GALNT18: variants seen among roughly 807,000 people sequenced by gnomAD.
The protein encoded by GALNT18 is GalNAc-transferase 18.
GALNT18 carries 44 observed loss-of-function variants against 69.5 expected under a neutral mutation model. That is an observed-to-expected ratio of 0.63 (90% confidence interval 0.50 to 0.81). The LOEUF (loss-of-function observed/expected upper bound fraction) is 0.81, where lower values mean the gene tolerates loss of function less well. Ranked by LOEUF, GALNT18 falls within the 40% of genes least tolerant of loss-of-function variation. The pLI, the probability that GALNT18 is intolerant of heterozygous loss-of-function variation, is 0.00. For missense variants in GALNT18, 715 were observed against 810.0 expected (o/e 0.88, Z 1.42); for synonymous variants, 364 against 318.2 (o/e 1.14, Z -1.53).
At chr11:11,440,620 ACCTGTCCTG>A in intron 2 of GALNT18, among the ~76,000 whole-genome samples, 1 of 152,284 alleles carries the variant, frequency 6.6e-6, no homozygotes, top group South Asian at 2.1e-4. Flanking sequence ...CTTCTGTGTA[ACCTGTCCTG>A]CAGTGCCTGT....
chr11:11,465,409 C>T lies in GALNT18; in HGVS notation c.236-16473G>A, dbSNP rs949462225. On this transcript the variant is annotated intron_variant, in intron 1 of 10. Coordinates refer to ENST00000227756, the MANE Select transcript of GALNT18 (RefSeq NM_198516.3). The surrounding 1 kb of genome is among the most constrained non-coding windows in gnomAD (Gnocchi z 5.7). Reference sequence around the variant, plus strand: ...CTGTGCAGGAAAACACCAAGGATTACTCAAAGCTTGAGTGCTGCTCCTCCA... The same window carrying T: ...CTGTGCAGGAAAACACCAAGGATTATTCAAAGCTTGAGTGCTGCTCCTCCA... 2.0e-5 allele frequency among the ~76,000 whole-genome samples: 3 copies of T among 152,172 alleles called. No homozygotes were observed. The highest frequency in any genetic ancestry group is 7.2e-5 in the African/African-American group (3 of 41,436).
intron 1 of GALNT18, among the ~76,000 whole-genome samples, chr11:11,488,061 CT>C (rs565018855): frequency 4.8e-4 from 73 of 152,190 alleles, no homozygotes; most frequent in Non-Finnish European, 7.5e-4. Flanking sequence ...GCTATTTATT[CT>C]CCCTAAACTT....
At chr11:11,414,388 C>T (rs907081999) in intron 3 of GALNT18, among the ~76,000 whole-genome samples, 9 of 152,206 alleles carry the variant, frequency 5.9e-5, no homozygotes, top group Admixed American at 1.3e-4. Context: ...AGCCATCCTC[C>T]CGCTTCCTTA....
chr11:11,530,581 A>G (rs1054100515), intron 1 of GALNT18, among the ~76,000 whole-genome samples: 1 of 152,164 alleles, frequency 6.6e-6, no homozygotes, highest in Non-Finnish European at 1.5e-5. Context: ...GAGGAAAAGG[A>G]AAGGCAGGCA....
intron 3 of GALNT18, among the ~76,000 whole-genome samples, chr11:11,393,762 C>T (rs1233322761): frequency 6.6e-6 from 1 of 152,248 alleles, no homozygotes; most frequent in Non-Finnish European, 1.5e-5. Flanking sequence ...CTCACTGCGC[C>T]TTTCAGCATT....
At chr11:11,527,510 A>G (rs28587649) in intron 1 of GALNT18, among the ~76,000 whole-genome samples, 5,708 of 152,282 alleles carry the variant, frequency 0.037, 358 homozygotes, top group African/African-American at 0.13. Context: ...ACAGAACTGT[A>G]AACAGATGCC....
At chr11:11,519,401 C>T (rs745711594) in intron 1 of GALNT18, among the ~76,000 whole-genome samples, 25 of 152,114 alleles carry the variant, frequency 1.6e-4, no homozygotes, top group Non-Finnish European at 3.2e-4. Context: ...GCATTGTTCA[C>T]GGAAGAGCAC....
chr11:11,367,662 G>A (rs1463720712), intron 6 of GALNT18, among the ~76,000 whole-genome samples: 1 of 152,150 alleles, frequency 6.6e-6, no homozygotes, highest in East Asian at 1.9e-4. Flanking sequence ...TTCCATTCCA[G>A]AAAGGTGAAG....
intron 1 of GALNT18, among the ~76,000 whole-genome samples, chr11:11,608,986 A>G (rs1859819775): frequency 6.6e-6 from 1 of 152,196 alleles, no homozygotes; most frequent in Non-Finnish European, 1.5e-5. Context: ...CCCTCATTAC[A>G]TGAGTTAGCT....
At position 11,382,224 on chromosome 11, in the gene GALNT18, GC is replaced by G. The variant is rs1181354192; in HGVS notation, c.596-2961del. Among the ~76,000 whole-genome samples, 2 of 152,212 alleles carry G rather than the reference GC, an allele frequency of 1.3e-5. No homozygotes were observed. Among genetic ancestry groups the G allele is most frequent in the East Asian group, 3.9e-4 (2 of 5,180 alleles). ...TTCTCTTAGCCCCAACCAAACAACT[GC>G]TATCCAAAAAAGAAAATAAAGAAGA... is the stretch of plus-strand genomic sequence containing the variant. On this transcript the variant is annotated intron_variant, in intron 3 of 10. Transcript: ENST00000227756. This position sits in a 1 kb window ranked among gnomAD's most constrained non-coding sequence, Gnocchi z 4.3.
intron 10 of GALNT18, among the ~76,000 whole-genome samples, chr11:11,287,436 C>T (rs1471599634): frequency 6.6e-6 from 1 of 152,126 alleles, no homozygotes; most frequent in African/African-American, 2.4e-5. Flanking sequence ...AGAGTCAGTC[C>T]TCTGCTTTGC....
intron 1 of GALNT18, among the ~76,000 whole-genome samples, chr11:11,529,918 ACATTCCTG>A (rs1455819366): frequency 4.6e-5 from 7 of 152,200 alleles, no homozygotes; most frequent in Non-Finnish European, 7.3e-5. Context: ...TTCTACAGAA[ACATTCCTG>A]CATCTTTCTG....
intron 9 of GALNT18, among the ~76,000 whole-genome samples, chr11:11,295,385 T>G (rs1269338676): frequency 6.6e-6 from 1 of 152,098 alleles, no homozygotes; most frequent in African/African-American, 2.4e-5. Context: ...GAAAGTAACA[T>G]GAAGCAGTTA....
Position 11,280,528 on chromosome 11 carries a change from C to T in GALNT18, c.1678-9238G>A, listed in dbSNP as rs139258416. On this transcript the variant is annotated intron_variant, in intron 10 of 10. Transcript: ENST00000227756. ...TTGAGCTCCCCTGAGGCTTCCCCAG[C>T]GGCCTGCTGTTCCTCCACACCTTCC... Among the ~76,000 whole-genome samples the T allele has an allele frequency of 2.3e-3, 353 of 152,266 alleles. 2 individuals carry two copies. Among genetic ancestry groups the T allele is most frequent in the African/African-American group, 7.9e-3 (330 of 41,514 alleles).
At chr11:11,272,615 C>G (rs936170513) in intron 10 of GALNT18, among the ~76,000 whole-genome samples, 3 of 152,248 alleles carry the variant, frequency 2.0e-5, no homozygotes, top group Non-Finnish European at 4.4e-5. Flanking sequence ...GGTTCCTGCA[C>G]TTTAAGCAAG....
intron 5 of GALNT18, among the ~76,000 whole-genome samples, chr11:11,376,076 C>T (rs952685516): frequency 3.3e-5 from 5 of 152,262 alleles, no homozygotes; most frequent in Middle Eastern, 3.4e-3. Context: ...AGACACCCAC[C>T]GTATCATCAA....
chr11:11,414,695 C>A (rs554756623), intron 3 of GALNT18, among the ~76,000 whole-genome samples: 1 of 152,316 alleles, frequency 6.6e-6, no homozygotes, highest in South Asian at 2.1e-4. Context: ...ACGCTGGGAG[C>A]TCTGTAAGAG....
intron 1 of GALNT18, among the ~76,000 whole-genome samples, chr11:11,609,478 G>A (rs544930968): frequency 6.6e-6 from 1 of 152,194 alleles, no homozygotes; most frequent in Non-Finnish European, 1.5e-5. Context: ...ACCTCCTCAT[G>A]TAATTGCAGT....
intron 1 of GALNT18, among the ~76,000 whole-genome samples, chr11:11,489,269 G>A (rs980813745): frequency 6.6e-6 from 1 of 152,216 alleles, no homozygotes; most frequent in Non-Finnish European, 1.5e-5. Context: ...GAAATAGCTT[G>A]CTGTTAGCAA....
Sources: allele counts gnomAD v4.1 joint callset (sites outside exome capture counted in the v4.1 genomes callset), GRCh38; gene constraint gnomAD v4.1.1; non-coding constraint Gnocchi (gnomAD v3.1); transcripts MANE v1.5; gene names NCBI Gene and HGNC (gene_info 2026-07-23, HGNC 2026-07-21).